Variants in PI4K2B observed in about 807,000 individuals in gnomAD.
The protein encoded by PI4K2B is phosphatidylinositol 4-kinase type 2-beta.
Under a neutral mutation model 56.6 loss-of-function variants are expected in PI4K2B, and 46 were observed. That is an observed-to-expected ratio of 0.81 (90% CI 0.64 to 1.04). The LOEUF is 1.04. Among genes scored for constraint, PI4K2B ranks in the 50% least tolerant of loss-of-function variants. PI4K2B has a pLI of 0.00. For missense variants in PI4K2B, 556 were observed against 607.7 expected (o/e 0.91, Z 0.89); for synonymous variants, 211 against 223.8 (o/e 0.94, Z 0.51).
intron 5 of PI4K2B, among the ~76,000 whole-genome samples, chr4:25,259,961 G>A (rs571929003): frequency 2.0e-4 from 30 of 152,342 alleles, no homozygotes; most frequent in African/African-American, 6.5e-4. Flanking sequence ...TTGCAAGTGG[G>A]TACTGGCAGG....
At chr4:25,254,972 G>A in intron 2 of PI4K2B, 93 bp from the exon 3 acceptor site, 2 of 779,594 alleles carry the variant, frequency 2.6e-6, no homozygotes, top group Non-Finnish European at 4.3e-6. Context: ...TCTGTGGTAG[G>A]AAGCAGTAGA....
intron 9 of PI4K2B, chr4:25,276,493 C>A: frequency 4.1e-6 from 1 of 243,840 alleles, no homozygotes; most frequent in Non-Finnish European, 6.6e-6. Flanking sequence ...GACTCTTCTC[C>A]CTGCTAAAGT....
In PI4K2B at chr4:25,256,652, A is replaced by T; in HGVS notation, c.734A>T (p.His245Leu). ...EKVPKVGRKF[H>L]RIGLPPKIGS... ...GTGCCAAAAGTGGGTAGAAAGTTTC[A>T]TAGGATAGGACTCCCTCCTAAGGTA... Residue 245 changes from histidine (H) to leucine (L), a missense_variant, in exon 4 of 10, where the codon CAT becomes CTT. Coordinates refer to ENST00000264864, the MANE Select transcript of PI4K2B (RefSeq NM_018323.4). The T allele has an allele frequency of 6.2e-7, 1 of 1,613,932 alleles. No individual in the cohort carries two copies. Among genetic ancestry groups the T allele is most frequent in the South Asian group, 1.1e-5 (1 of 91,076 alleles).
At chr4:25,240,034 G>A (rs1003767265) in intron 1 of PI4K2B, among the ~76,000 whole-genome samples, 1 of 152,144 alleles carries the variant, frequency 6.6e-6, no homozygotes, top group Admixed American at 6.5e-5. Context: ...TGATGGCCTC[G>A]ATGCTAGAGG....
intron 1 of PI4K2B, 129 bp downstream of exon 1, chr4:25,234,560 C>T (rs1026652824): frequency 3.1e-6 from 2 of 637,556 alleles, no homozygotes; most frequent in Non-Finnish European, 4.5e-6. Flanking sequence ...GCAGCAGCTC[C>T]CGAGCTCGGA....
At chr4:25,265,720 A>G (rs774323393) in intron 7 of PI4K2B, among the ~76,000 whole-genome samples, 6 of 152,144 alleles carry the variant, frequency 3.9e-5, no homozygotes, top group Non-Finnish European at 7.3e-5. Flanking sequence ...TTGCATTGTG[A>G]TCTGTGAATA....
intron 5 of PI4K2B, 40 bp from the exon 6 acceptor site, chr4:25,260,484 A>G (rs760649643): frequency 6.8e-6 from 6 of 886,604 alleles, no homozygotes; most frequent in Admixed American, 2.8e-5. Context: ...CATGATGTCC[A>G]TAGAAATGAA....
At chr4:25,255,357 A>G (rs1716224872) in intron 3 of PI4K2B, 92 bp downstream of exon 3, 11 of 1,114,384 alleles carry the variant, frequency 9.9e-6, no homozygotes, top group Middle Eastern at 2.1e-4. Flanking sequence ...GATAGAACCT[A>G]AAGTGGAGCC....
At chr4:25,252,263 C>T in intron 1 of PI4K2B, 58 bp from the exon 2 acceptor site, 8 of 1,267,266 alleles carry the variant, frequency 6.3e-6, no homozygotes, top group African/African-American at 1.5e-5. Flanking sequence ...GCAAGCTAAT[C>T]GATATTACAG....
At chr4:25,239,670 A>G (rs1560365659) in intron 1 of PI4K2B, among the ~76,000 whole-genome samples, 1 of 152,232 alleles carries the variant, frequency 6.6e-6, no homozygotes, top group Non-Finnish European at 1.5e-5. Flanking sequence ...TAGTCCAGAA[A>G]GGGGCTCCCA....
At chr4:25,242,527 A>C (rs922733533) in intron 1 of PI4K2B, among the ~76,000 whole-genome samples, 1 of 152,204 alleles carries the variant, frequency 6.6e-6, no homozygotes. Context: ...TTGAGAGAGC[A>C]GGGTATTGGG....
rs575832130 is a variant in PI4K2B at position 25,254,437 on chromosome 4, A to T, written c.424-628A>T. On this transcript the variant is annotated intron_variant, in intron 2 of 9. Transcript: ENST00000264864. Reference sequence around the variant, plus strand: ...CTTTCCTTTTTTTTTTTTTTGAGACAGAGTCTCGCTCTGTCACCCAGGCTG... The same window carrying T: ...CTTTCCTTTTTTTTTTTTTTGAGACTGAGTCTCGCTCTGTCACCCAGGCTG... The T allele has an allele frequency of 5.9e-4, 287 of 486,300 alleles. 1 individual carries two copies. Among genetic ancestry groups the T allele is most frequent in the Non-Finnish European group, 7.2e-4 (270 of 375,188 alleles). 30.1% of individuals were successfully genotyped at this position (486,300 alleles called of 1,614,324 possible).
chr4:25,275,966 T>C (rs887582989), intron 9 of PI4K2B, among the ~76,000 whole-genome samples: 6 of 152,118 alleles, frequency 3.9e-5, no homozygotes, highest in Admixed American at 1.3e-4. Context: ...AATCAATCAA[T>C]CAACCAACCA....
In PI4K2B at chr4:25,252,319, AGTAACTATTGGTAC is replaced by A; in HGVS notation, c.269-1_281del. ...CATAGCTGGTATTTCTTCTTAATGC[AGTAACTATTGGTAC>A]TTCAGAGATGAATGCATTCTTGGAT... is the stretch of plus-strand genomic sequence containing the variant. On this transcript the variant is annotated splice_acceptor_variant and coding_sequence_variant, in exon 2 of 10. Transcript: ENST00000264864. LOFTEE classifies it high-confidence loss of function. 1 of 1,606,278 alleles carries A rather than the reference AGTAACTATTGGTAC, an allele frequency of 6.2e-7. No individual in the cohort carries two copies.
intron 9 of PI4K2B, chr4:25,276,787 A>G (rs1343285781): frequency 3.2e-5 from 32 of 984,780 alleles, no homozygotes; most frequent in Non-Finnish European, 3.7e-5. Flanking sequence ...GGCAAAAGTT[A>G]TTTAATGCTA....
At chr4:25,255,001 C>T in intron 2 of PI4K2B, 64 bp from the exon 3 acceptor site, 1 of 1,043,180 alleles carries the variant, frequency 9.6e-7, no homozygotes, top group Non-Finnish European at 1.5e-6. Flanking sequence ...TATTAGAATG[C>T]ATTTTATGGA....
intron 2 of PI4K2B, 88 bp from the exon 3 acceptor site, chr4:25,254,977 A>G: frequency 1.2e-6 from 1 of 812,488 alleles, no homozygotes. Context: ...GGTAGGAAGC[A>G]GTAGAGAACA....
At position 25,234,418 on chromosome 4, in the gene PI4K2B, C is replaced by T; in HGVS notation, c.255C>T (p.Arg85=). ...CGTCCGCCGAGCTGGACCGGAGCCG[C>T]CCCGCGGTTTCAGGTGCGACCCGGC... ...RSSSAELDRS[R]PAVSVTIGTS... is the part of the protein sequence containing the mutation. Residue 85 remains arginine (R), a synonymous_variant, in exon 1 of 10, where the codon CGC becomes CGT. Coordinates refer to ENST00000264864, the MANE Select transcript of PI4K2B (RefSeq NM_018323.4). 2.2e-6 allele frequency: 3 copies of T among 1,353,896 alleles called. No homozygotes were observed. Among genetic ancestry groups the T allele is most frequent in the Non-Finnish European group, 2.9e-6 (3 of 1,051,960 alleles). The allele number at this position is 1,353,896 out of a possible 1,614,324, so 83.9% of individuals were successfully genotyped here.
chr4:25,256,900 G>A (rs914753530), intron 4 of PI4K2B, among the ~76,000 whole-genome samples: 1 of 151,268 alleles, frequency 6.6e-6, no homozygotes, highest in African/African-American at 2.4e-5. Flanking sequence ...AGTTTAGAGG[G>A]ATGGGAGGTG....
Sources: allele counts gnomAD v4.1 joint callset (sites outside exome capture counted in the v4.1 genomes callset), GRCh38; gene constraint gnomAD v4.1.1; transcripts MANE v1.5; gene names NCBI Gene and HGNC (gene_info 2026-07-23, HGNC 2026-07-21).